BAZ2B: variants seen among roughly 807,000 people sequenced by gnomAD.
The protein encoded by BAZ2B is bromodomain adjacent to zinc finger domain 2B.
Under a neutral mutation model 246.0 loss-of-function variants are expected in BAZ2B, and 91 were observed. The ratio of observed to expected loss-of-function variants is 0.37; its 90% confidence interval spans 0.31 to 0.44. The LOEUF (loss-of-function observed/expected upper bound fraction) is 0.44, where lower values mean the gene tolerates loss of function less well. BAZ2B is among the 20% of genes least tolerant of loss of function. BAZ2B has a pLI of 1.00. For synonymous variants in BAZ2B, 855 were observed against 860.0 expected, an observed-to-expected ratio of 0.99 and a Z score of 0.10; for missense variants, 2,332 against 2,533.7, an observed-to-expected ratio of 0.92 and a Z score of 1.71.
At chr2:159,511,932 A>G (rs571705576) in intron 2 of BAZ2B, among the ~76,000 whole-genome samples, 127 of 152,286 alleles carry the variant, frequency 8.3e-4, no homozygotes, top group Admixed American at 4.4e-3. Flanking sequence ...ATAAAAGGAA[A>G]ACTTCAGAGA....
chr2:159,523,605 G>A (rs534444349), intron 2 of BAZ2B, among the ~76,000 whole-genome samples: 168 of 152,210 alleles, frequency 1.1e-3, no homozygotes, highest in African/African-American at 3.9e-3. Context: ...TCGGGAGGCT[G>A]AGGTGGAAGA....
At chr2:159,479,627 G>A (rs2079023515) in intron 2 of BAZ2B, among the ~76,000 whole-genome samples, 1 of 152,000 alleles carries the variant, frequency 6.6e-6, no homozygotes, top group Non-Finnish European at 1.5e-5. Context: ...AATTCTACAG[G>A]CAACTCACAG....
downstream of BAZ2B, among the ~76,000 whole-genome samples, chr2:159,318,474 T>C (rs1315766980): frequency 1.3e-5 from 2 of 152,356 alleles, no homozygotes; most frequent in South Asian, 2.1e-4. Context: ...CTCTTCATGA[T>C]AAAAAGCAGT....
chr2:159,392,136 CA>C (rs2063409155), intron 20 of BAZ2B: 2 of 152,158 alleles, frequency 1.3e-5, no homozygotes, highest in Admixed American at 1.3e-4. Context: ...GAGAAGACAG[CA>C]TAGCCCCTTT....
intron 3 of BAZ2B, among the ~76,000 whole-genome samples, chr2:159,468,688 C>T (rs1303111213): frequency 6.6e-6 from 1 of 152,054 alleles, no homozygotes; most frequent in Non-Finnish European, 1.5e-5. Context: ...AAATTCATAG[C>T]ATTAAATACA....
intron 20 of BAZ2B, among the ~76,000 whole-genome samples, chr2:159,394,781 T>C (rs1433446392): frequency 2.0e-5 from 3 of 152,138 alleles, no homozygotes; most frequent in Non-Finnish European, 4.4e-5. Flanking sequence ...CAGAATTCAG[T>C]ATTATCTTCA....
chr2:159,345,767 G>C (rs1389911838), intron 31 of BAZ2B, among the ~76,000 whole-genome samples: 1 of 152,124 alleles, frequency 6.6e-6, no homozygotes, highest in Non-Finnish European at 1.5e-5. Context: ...CAAACTGAGA[G>C]GACAACCACA....
chr2:159,487,551 C>T (rs576658587), intron 2 of BAZ2B, among the ~76,000 whole-genome samples: 3 of 152,262 alleles, frequency 2.0e-5, no homozygotes, highest in Non-Finnish European at 2.9e-5. Context: ...CAAACCACTG[C>T]CCACGGTATC....
the BAZ2B span, among the ~76,000 whole-genome samples, chr2:159,622,263 CAAAAAA>C: frequency 1.5e-5 from 1 of 64,982 alleles, no homozygotes; most frequent in Non-Finnish European, 2.9e-5. Flanking sequence ...AGTACTGTCT[CAAAAAA>C]AAAAAAAAAA....
chr2:159,670,782 C>A, the BAZ2B span: 6 of 152,112 alleles, frequency 3.9e-5, no homozygotes, highest in Admixed American at 2.6e-4. Flanking sequence ...AGTTGAAGAA[C>A]TTCCATTATC....
At chr2:159,318,010 CTATT>C (rs768910188), downstream of BAZ2B, among the ~76,000 whole-genome samples, 17 of 152,096 alleles carry the variant, frequency 1.1e-4, no homozygotes, top group Non-Finnish European at 2.4e-4. Context: ...TCTTTTTTTC[CTATT>C]TATTTTTAAA....
downstream of BAZ2B, among the ~76,000 whole-genome samples, chr2:159,317,978 T>C (rs2062288122): frequency 6.6e-6 from 1 of 152,220 alleles, no homozygotes; most frequent in Admixed American, 6.5e-5. Context: ...CAGTCCGAAG[T>C]AGCCAGTGTT....
chr2:159,448,096 C>A, intron 5 of BAZ2B, 146 bp downstream of exon 5: 1 of 902,048 alleles, frequency 1.1e-6, no homozygotes. Flanking sequence ...TGTACTCCAG[C>A]CTGGGCAAAA....
rs79466929 is a variant in BAZ2B at position 159,586,156 on chromosome 2, T to C, written c.-46+30086A>G. Among the ~76,000 whole-genome samples, 1,021 of 152,312 alleles carry C rather than the reference T, an allele frequency of 6.7e-3. 9 individuals are homozygous for C. The highest frequency in any genetic ancestry group is 0.011 in the Non-Finnish European group (770 of 68,014). On this transcript the variant is annotated intron_variant, in intron 1 of 36. Coordinates refer to ENST00000392783, the MANE Select transcript of BAZ2B (RefSeq NM_013450.4). ...ATTTCACGTTAAACCTAAGAACCCATTGCTATTTACTATTAATTTATTGAT... is the reference window on the plus strand; with the variant it reads ...ATTTCACGTTAAACCTAAGAACCCACTGCTATTTACTATTAATTTATTGAT...
At chr2:159,619,106 AAAC>A (rs1696326603), upstream of BAZ2B, among the ~76,000 whole-genome samples, 1 of 152,050 alleles carries the variant, frequency 6.6e-6, no homozygotes, top group African/African-American at 2.4e-5. Context: ...TCTACAGAAA[AAAC>A]AATATATGTA....
intron 19 of BAZ2B, among the ~76,000 whole-genome samples, chr2:159,396,888 T>C (rs1051374485): frequency 6.6e-6 from 1 of 152,142 alleles, no homozygotes; most frequent in African/African-American, 2.4e-5. Context: ...ATGTAAAATC[T>C]TGGAGATGCA....
Position 159,430,992 on chromosome 2 carries a change from G to A in BAZ2B, c.2065C>T (p.His689Tyr), listed in dbSNP as rs1307820042. The A allele has an allele frequency of 6.2e-7, 1 of 1,613,812 alleles. No homozygotes were observed. Among genetic ancestry groups the A allele is most frequent in the Non-Finnish European group, 8.5e-7 (1 of 1,179,896 alleles). ...ATGTGGAGGTTACGAGGTGTTGAGT[G>A]ACCTGTGAGACTCATGGAAGGGCTT... ...VKSPSMSLTGHSTPRNLHIAK... is the reference protein window; with the variant it reads ...VKSPSMSLTGYSTPRNLHIAK... Residue 689 changes from histidine to tyrosine, a missense_variant, in exon 10 of 37, where the codon CAC becomes TAC. This residue lies in a region of BAZ2B where 651 missense variants were observed against 650.9 expected (regional missense o/e 1.00). Transcript: ENST00000392783.
intron 1 of BAZ2B, among the ~76,000 whole-genome samples, chr2:159,561,186 G>A (rs2089830993): frequency 6.6e-6 from 1 of 152,136 alleles, no homozygotes; most frequent in Non-Finnish European, 1.5e-5. Flanking sequence ...GGGTCATGGG[G>A]GTGGATCCCT....
the BAZ2B span, among the ~76,000 whole-genome samples, chr2:159,701,321 CTTTT>C: frequency 4.0e-5 from 6 of 151,882 alleles, no homozygotes; most frequent in African/African-American, 1.4e-4. Context: ...AGAATCTGTT[CTTTT>C]TTTATTTTTC....
Sources: allele counts gnomAD v4.1 joint callset (sites outside exome capture counted in the v4.1 genomes callset), GRCh38; gene constraint gnomAD v4.1.1; regional missense constraint gnomAD v4.1.1; transcripts MANE v1.5; gene names NCBI Gene and HGNC (gene_info 2026-07-23, HGNC 2026-07-21).